RAB6B: variants seen among roughly 807,000 people sequenced by gnomAD.
RAB6B encodes ras-related protein Rab-6B.
In RAB6B, 7 loss-of-function variants were observed where a neutral mutation model predicts 31.2. That is an observed-to-expected ratio of 0.22 (90% CI 0.13 to 0.42). RAB6B has a LOEUF of 0.42. Among genes scored for constraint, RAB6B ranks in the 10% least tolerant of loss-of-function variants. The probability of loss-of-function intolerance (pLI) is 1.00; values close to 1 mark genes in which losing one functional copy is unlikely to be tolerated. For synonymous variants in RAB6B, 105 were observed against 104.9 expected (o/e 1.00, Z -0.01); for missense variants, 149 against 280.6 (o/e 0.53, Z 3.35).
intron 1 of RAB6B, among the ~76,000 whole-genome samples, chr3:133,872,463 A>G (rs1936339861): frequency 6.6e-6 from 1 of 152,250 alleles, no homozygotes; most frequent in African/African-American, 2.4e-5. Flanking sequence ...TACGGCCCCC[A>G]GGCCCTGTGG....
chr3:133,885,140 T>C (rs1274094053), intron 1 of RAB6B, among the ~76,000 whole-genome samples: 1 of 146,376 alleles, frequency 6.8e-6, no homozygotes, highest in South Asian at 2.3e-4. Context: ...ACACATCCAA[T>C]GGCTAGAGGA....
chr3:133,841,413 A>G (rs1301312175), intron 3 of RAB6B, 23 bp from the exon 4 acceptor site: 1 of 1,612,634 alleles, frequency 6.2e-7, no homozygotes, highest in Non-Finnish European at 8.5e-7. Context: ...GGGCAGGACC[A>G]TGGGCAGAGG....
chr3:133,879,942 T>C (rs1212871494), intron 1 of RAB6B, among the ~76,000 whole-genome samples: 1 of 152,238 alleles, frequency 6.6e-6, no homozygotes, highest in East Asian at 1.9e-4. Context: ...CCTGGAGAGC[T>C]AGACTGAAGC....
chr3:133,859,259 G>T (rs1936125971), intron 2 of RAB6B, among the ~76,000 whole-genome samples: 1 of 152,198 alleles, frequency 6.6e-6, no homozygotes, highest in Non-Finnish European at 1.5e-5. Flanking sequence ...GATTACAGGT[G>T]TGAACCCCCA....
chr3:133,889,405 T>TAC (rs1454840081), intron 1 of RAB6B, among the ~76,000 whole-genome samples: 13 of 37,018 alleles, frequency 3.5e-4, no homozygotes, highest in African/African-American at 1.9e-3. Context: ...TATATATATA[T>TAC]ATATATATAT....
intron 1 of RAB6B, among the ~76,000 whole-genome samples, chr3:133,866,645 C>T (rs1936240512): frequency 6.6e-6 from 1 of 152,246 alleles, no homozygotes; most frequent in South Asian, 2.1e-4. Context: ...TTTAAATCTC[C>T]CCTTAAATTT....
At position 133,843,869 on chromosome 3, in the gene RAB6B, G is replaced by A. The variant is rs140758552; in HGVS notation, c.130-2206C>T. ...ATCCAGATGAGGATGACAGAGGAGC[G>A]ATGACATCAACGAAGGCTGACTCCC... is the stretch of plus-strand genomic sequence containing the variant. On this transcript the variant is annotated intron_variant, in intron 2 of 7. Coordinates refer to ENST00000285208, the MANE Select transcript of RAB6B (RefSeq NM_016577.4). 4.1e-3 allele frequency among the ~76,000 whole-genome samples: 619 copies of A among 152,292 alleles called. 6 individuals carry two copies. The highest frequency in any genetic ancestry group is 0.036 in the South Asian group (172 of 4,820).
intron 2 of RAB6B, among the ~76,000 whole-genome samples, chr3:133,857,426 GAA>G (rs71136497): frequency 0.33 from 39,554 of 119,588 alleles, 6,871 homozygotes; most frequent in Non-Finnish European, 0.44. Context: ...TTTTTGAAGG[GAA>G]AAAAAAAAAA....
intron 1 of RAB6B, among the ~76,000 whole-genome samples, chr3:133,884,377 T>C (rs994229200): frequency 1.6e-4 from 25 of 152,238 alleles, no homozygotes; most frequent in Non-Finnish European, 2.4e-4. Flanking sequence ...AAAACGGCAG[T>C]GTCTGCCTCT....
chr3:133,845,273 T>C (rs757227344), intron 2 of RAB6B, among the ~76,000 whole-genome samples: 1 of 152,172 alleles, frequency 6.6e-6, no homozygotes, highest in Non-Finnish European at 1.5e-5. Context: ...GGCACATCCT[T>C]TGGGGAAAGG....
At chr3:133,844,084 C>A (rs532847830) in intron 2 of RAB6B, among the ~76,000 whole-genome samples, 9 of 152,318 alleles carry the variant, frequency 5.9e-5, no homozygotes, top group African/African-American at 2.2e-4. Context: ...AACCCCATCA[C>A]ACCTCACATG....
In RAB6B at chr3:133,835,278, G is replaced by A. The variant is rs112622959; in HGVS notation, c.496-637C>T. ...GTATGTGTTTTATCTGTAGGACTGC[G>A]TGGAAAATGTGTGTGTTGTGAGTGG... is the stretch of plus-strand genomic sequence containing the variant. On this transcript the variant is annotated intron_variant, in intron 6 of 7. Transcript: ENST00000285208. Among the ~76,000 whole-genome samples the A allele has an allele frequency of 7.4e-3, 1,122 of 152,230 alleles. 17 individuals carry two copies. Among genetic ancestry groups the A allele is most frequent in the African/African-American group, 0.025 (1,042 of 41,526 alleles).
chr3:133,873,834 T>A (rs1170937563), intron 1 of RAB6B, among the ~76,000 whole-genome samples: 2 of 152,198 alleles, frequency 1.3e-5, no homozygotes, highest in East Asian at 1.9e-4. Flanking sequence ...ACCAAAGCCT[T>A]CCTGATAACA....
chr3:133,875,565 C>T (rs1936383429), intron 1 of RAB6B, among the ~76,000 whole-genome samples: 1 of 152,168 alleles, frequency 6.6e-6, no homozygotes, highest in African/African-American at 2.4e-5. Flanking sequence ...CTTTCCAAAG[C>T]CCCCAGGCCC....
At chr3:133,853,211 G>A (rs866707193) in intron 2 of RAB6B, among the ~76,000 whole-genome samples, 1 of 152,190 alleles carries the variant, frequency 6.6e-6, no homozygotes, top group Non-Finnish European at 1.5e-5. Flanking sequence ...AGGCCACAGT[G>A]TGTACTGATG....
intron 2 of RAB6B, among the ~76,000 whole-genome samples, chr3:133,863,594 T>C (rs1249356776): frequency 3.3e-5 from 5 of 152,194 alleles, no homozygotes; most frequent in Admixed American, 2.6e-4. Flanking sequence ...TACACTGATA[T>C]AGTCAGGCTC....
chr3:133,876,591 G>C (rs1396728752), intron 1 of RAB6B, among the ~76,000 whole-genome samples: 1 of 152,118 alleles, frequency 6.6e-6, no homozygotes, highest in Non-Finnish European at 1.5e-5. Flanking sequence ...ATTGAAGGTA[G>C]ACTAAGAAAC....
chr3:133,827,611 C>T lies in RAB6B; in HGVS notation c.*1177G>A, dbSNP rs992730242. The T allele has an allele frequency of 2.7e-5, 12 of 440,604 alleles. No homozygotes were observed. The highest frequency in any genetic ancestry group is 6.0e-5 in the African/African-American group (3 of 50,354). The allele number at this position is 440,604 out of a possible 1,614,324, so 27.3% of individuals were successfully genotyped here. A position where few individuals can be genotyped will look rare whatever the true frequency, so the allele number is the denominator to read the frequency against. On this transcript the variant is annotated 3_prime_UTR_variant, in exon 8 of 8. Transcript: ENST00000285208. ...CACAGTAGCCACAAAGATATGTCCACAAAGACTTCAACTGCGCCATGCCAC... is the reference window on the plus strand; with the variant it reads ...CACAGTAGCCACAAAGATATGTCCATAAAGACTTCAACTGCGCCATGCCAC...
At chr3:133,884,790 A>G (rs1368686808) in intron 1 of RAB6B, among the ~76,000 whole-genome samples, 1 of 151,740 alleles carries the variant, frequency 6.6e-6, no homozygotes, top group Non-Finnish European at 1.5e-5. Flanking sequence ...GGGGCCCCAC[A>G]TATCCCAGTA....
Sources: gnomAD v4.1 joint callset for allele counts (sites outside exome capture counted in the v4.1 genomes callset) on GRCh38, gnomAD v4.1.1 for gene constraint, MANE v1.5 for transcripts, NCBI Gene and HGNC (gene_info 2026-07-23, HGNC 2026-07-21) for gene names.